CNOT10: variants seen among roughly 807,000 people sequenced by gnomAD.
The protein encoded by CNOT10 is CCR4-NOT transcription complex subunit 10.
CNOT10 carries 30 observed loss-of-function variants against 94.6 expected under a neutral mutation model. The ratio of observed to expected loss-of-function variants is 0.32; its 90% CI spans 0.24 to 0.43. The LOEUF (loss-of-function observed/expected upper bound fraction) is 0.43, where lower values mean the gene tolerates loss of function less well. Ranked by LOEUF, CNOT10 falls within the 20% of genes least tolerant of loss-of-function variation. The pLI is 1.00. For synonymous variants in CNOT10, 289 were observed against 301.6 expected (o/e 0.96, Z 0.43); for missense variants, 759 against 877.2 (o/e 0.87, Z 1.70).
intron 1 of CNOT10, among the ~76,000 whole-genome samples, chr3:32,687,526 A>G (rs912006050): frequency 8.0e-6 from 1 of 124,702 alleles, no homozygotes; most frequent in Non-Finnish European, 1.6e-5. Context: ...ATATCGGCTC[A>G]TTGCAAGCTC....
Position 32,757,469 on chromosome 3 carries a change from G to A in CNOT10, c.1596-1989G>A, listed in dbSNP as rs186220749. Among the ~76,000 whole-genome samples, 353 of 152,132 alleles carry A rather than the reference G, an allele frequency of 2.3e-3. 9 individuals are homozygous for A. Among genetic ancestry groups the A allele is most frequent in the Admixed American group, 0.021 (320 of 15,268 alleles). On this transcript the variant is annotated intron_variant, in intron 13 of 18. Coordinates refer to ENST00000328834, the MANE Select transcript of CNOT10 (RefSeq NM_015442.3). ...GCTGGGATTACAGGCATGAGCCACC[G>A]CACCCAGCCACTAATGGTCTTCTTG...
intron 14 of CNOT10, among the ~76,000 whole-genome samples, chr3:32,761,005 T>C (rs1428773260): frequency 6.6e-6 from 1 of 151,636 alleles, no homozygotes; most frequent in Non-Finnish European, 1.5e-5. Flanking sequence ...GGCACACTCC[T>C]GTAATCCCAG....
chr3:32,719,558 G>A (rs191829698), intron 7 of CNOT10, among the ~76,000 whole-genome samples: 133 of 152,296 alleles, frequency 8.7e-4, no homozygotes, highest in African/African-American at 3.1e-3. Flanking sequence ...TAGGAGAAGT[G>A]AAAGGTGATC....
chr3:32,689,634 G>A (rs1165920067), intron 1 of CNOT10, among the ~76,000 whole-genome samples: 2 of 152,106 alleles, frequency 1.3e-5, no homozygotes, highest in Non-Finnish European at 1.5e-5. Context: ...TTGTGTTCTA[G>A]CTCTAGTCCC....
chr3:32,766,908 A>G (rs1700671184), intron 17 of CNOT10, among the ~76,000 whole-genome samples: 2 of 152,112 alleles, frequency 1.3e-5, no homozygotes, highest in South Asian at 4.1e-4. Flanking sequence ...GAATCTCACA[A>G]AATTAGAAAT....
chr3:32,734,353 T>C (rs1011007591), intron 11 of CNOT10, among the ~76,000 whole-genome samples: 4 of 152,162 alleles, frequency 2.6e-5, no homozygotes, highest in African/African-American at 9.6e-5. Flanking sequence ...CAAAAAGTAA[T>C]GTTGGTGTTT....
intron 1 of CNOT10, chr3:32,687,804 G>GT (rs112767273): frequency 0.061 from 9,292 of 151,802 alleles, 326 homozygotes; most frequent in Middle Eastern, 0.093. Flanking sequence ...TTTCCAGCTG[G>GT]ATTTCTGTAT....
At chr3:32,705,161 T>A (rs988015280) in intron 3 of CNOT10, among the ~76,000 whole-genome samples, 189 bp downstream of exon 3, 3 of 152,288 alleles carry the variant, frequency 2.0e-5, no homozygotes, top group African/African-American at 7.2e-5. Context: ...TCATTTTTTT[T>A]AATTGGGGTT....
At chr3:32,761,337 T>C (rs1700431948) in intron 14 of CNOT10, among the ~76,000 whole-genome samples, 1 of 152,148 alleles carries the variant, frequency 6.6e-6, no homozygotes. Flanking sequence ...ATGTTGGGAA[T>C]TGCAGCTGAT....
Position 32,723,660 on chromosome 3 carries a change from A to G in CNOT10, c.863-1790A>G, listed in dbSNP as rs549392560. On this transcript the variant is annotated intron_variant, in intron 8 of 18. Coordinates refer to ENST00000328834, the MANE Select transcript of CNOT10 (RefSeq NM_015442.3). ...TCAAAATGTAAACACACATACACATACTGAACCAAGTCACGAAACAAATGA... is the reference window on the plus strand; with the variant it reads ...TCAAAATGTAAACACACATACACATGCTGAACCAAGTCACGAAACAAATGA... 2.0e-5 allele frequency among the ~76,000 whole-genome samples: 3 copies of G among 152,328 alleles called. No individual in the cohort carries two copies. In the South Asian group the frequency reaches 6.2e-4, roughly 32 times the overall value.
At chr3:32,715,306 T>C (rs1698068319) in intron 5 of CNOT10, among the ~76,000 whole-genome samples, 1 of 152,132 alleles carries the variant, frequency 6.6e-6, no homozygotes, top group Non-Finnish European at 1.5e-5. Flanking sequence ...GGAAGATGGT[T>C]AATAGTTTGA....
intron 7 of CNOT10, 136 bp from the exon 8 acceptor site, chr3:32,719,978 G>T: frequency 2.2e-6 from 1 of 446,498 alleles, no homozygotes; most frequent in Non-Finnish European, 4.1e-6. Context: ...GAAAAATTTA[G>T]AGACTATATA....
At chr3:32,695,534 T>C (rs2125496942) in intron 1 of CNOT10, 1 of 1,510,678 alleles carries the variant, frequency 6.6e-7, no homozygotes, top group Non-Finnish European at 8.8e-7. Flanking sequence ...AATGTGTCTG[T>C]GCTTTCAGTT....
At chr3:32,692,822 G>A (rs983890248) in intron 1 of CNOT10, among the ~76,000 whole-genome samples, 5 of 152,196 alleles carry the variant, frequency 3.3e-5, no homozygotes, top group Non-Finnish European at 7.3e-5. Flanking sequence ...AAGGTAGGCA[G>A]ATCGCTTGAG....
intron 13 of CNOT10, among the ~76,000 whole-genome samples, chr3:32,740,996 G>A (rs1271486225): frequency 1.3e-5 from 2 of 151,798 alleles, no homozygotes; most frequent in Non-Finnish European, 2.9e-5. Flanking sequence ...GTGAGCCACC[G>A]TGCCTAACCC....
At chr3:32,715,720 G>A (rs1243195823) in intron 5 of CNOT10, among the ~76,000 whole-genome samples, 3 of 152,116 alleles carry the variant, frequency 2.0e-5, no homozygotes, top group Admixed American at 6.6e-5. Flanking sequence ...TCATTATTAC[G>A]TTCGACTGTG....
intron 8 of CNOT10, among the ~76,000 whole-genome samples, chr3:32,720,828 C>T (rs1283780625): frequency 7.0e-6 from 1 of 142,366 alleles, no homozygotes; most frequent in Non-Finnish European, 1.5e-5. Flanking sequence ...GCCTGCCCTC[C>T]CTCCCTCCCT....
At chr3:32,692,318 A>AGCCCAATATATTG (rs1559474285) in intron 1 of CNOT10, among the ~76,000 whole-genome samples, 3 of 151,924 alleles carry the variant, frequency 2.0e-5, no homozygotes, top group Admixed American at 2.0e-4. Flanking sequence ...CTGGTCTCAA[A>AGCCCAATATATTG]CTCTTGGGCT....
At chr3:32,758,749 G>T in intron 13 of CNOT10, among the ~76,000 whole-genome samples, 1 of 152,194 alleles carries the variant, frequency 6.6e-6, no homozygotes, top group East Asian at 1.9e-4. Context: ...TGTTTTAAAT[G>T]AGCTGTCTGT....
Sources: gnomAD v4.1 joint callset for allele counts (sites outside exome capture counted in the v4.1 genomes callset) on GRCh38, gnomAD v4.1.1 for gene constraint, MANE v1.5 for transcripts, NCBI Gene and HGNC (gene_info 2026-07-23, HGNC 2026-07-21) for gene names.